Variants in ESCO1 observed in about 807,000 individuals in gnomAD.
ESCO1 encodes the protein establishment of sister chromatid cohesion N-acetyltransferase 1.
ESCO1 carries 33 observed loss-of-function variants against 83.5 expected under a neutral mutation model. The ratio of observed to expected loss-of-function variants is 0.40; its 90% CI spans 0.30 to 0.53. The LOEUF is 0.53. Ranked by LOEUF, ESCO1 falls within the 20% of genes least tolerant of loss-of-function variation. The pLI, the probability that ESCO1 is intolerant of heterozygous loss-of-function variation, is 0.63. For synonymous variants in ESCO1, 332 were observed against 324.3 expected (o/e 1.02, Z -0.25); for missense variants, 855 against 968.0 (o/e 0.88, Z 1.55).
At chr18:21,546,680 G>A (rs2037978398) in intron 8 of ESCO1, among the ~76,000 whole-genome samples, 1 of 152,108 alleles carries the variant, frequency 6.6e-6, no homozygotes, top group Non-Finnish European at 1.5e-5. Context: ...CCGAGTAGAT[G>A]GGACCACAGG....
chr18:21,542,557 C>A (rs1347930296), intron 8 of ESCO1, among the ~76,000 whole-genome samples: 2 of 152,188 alleles, frequency 1.3e-5, no homozygotes, highest in East Asian at 3.8e-4. Flanking sequence ...TTTAAGATGA[C>A]TGCTCAAAGA....
chr18:21,540,131 A>G, intron 8 of ESCO1, 122 bp from the exon 9 acceptor site: 1 of 852,066 alleles, frequency 1.2e-6, no homozygotes, highest in Non-Finnish European at 1.8e-6. Flanking sequence ...GCAAACATGA[A>G]AAATATATGC....
Position 21,574,288 on chromosome 18 carries a change from A to C in ESCO1, c.556T>G (p.Ser186Ala), listed in dbSNP as rs1191238381. ...KRKVLEVKSD[S>A]KEDENLVINE... is the part of the protein sequence containing the mutation. ...ATTACTAGATTTTCATCTTCTTTAG[A>C]GTCAGACTTTACTTCCAGTACTTTT... Residue 186 changes from serine (S) to alanine (A), a missense_variant, in exon 4 of 12, where the codon TCT (serine) becomes GCT (alanine). Around this residue, in one of 2 missense-constraint regions of ESCO1, gnomAD observed 726 missense variants for 699.5 expected, o/e 1.04. Coordinates refer to ENST00000269214, the MANE Select transcript of ESCO1 (RefSeq NM_052911.3). 6.2e-7 allele frequency: 1 copy of C among 1,613,644 alleles called. No homozygotes were observed. Among genetic ancestry groups the C allele is most frequent in the Non-Finnish European group, 8.5e-7 (1 of 1,179,990 alleles).
intron 8 of ESCO1, among the ~76,000 whole-genome samples, chr18:21,542,013 G>A (rs949838734): frequency 3.9e-5 from 6 of 152,048 alleles, no homozygotes; most frequent in African/African-American, 1.2e-4. Flanking sequence ...CTTCAGACTT[G>A]TATGTTCATG....
Position 21,532,455 on chromosome 18 carries a change from G to A in ESCO1, c.2375+18C>T, listed in dbSNP as rs758743445. ...CCTAAACTACTAAAAATGATTTGAA[G>A]GATTACATTCAAGTTACCTTAGGCA... On this transcript the variant is annotated intron_variant, in intron 11 of 11. Transcript: ENST00000269214. 4.3e-5 allele frequency: 68 copies of A among 1,594,150 alleles called. No individual in the cohort carries two copies. The highest frequency in any genetic ancestry group is 1.2e-4 in the Admixed American group (7 of 58,356).
intron 2 of ESCO1, among the ~76,000 whole-genome samples, chr18:21,578,773 C>A (rs1321238342): frequency 6.6e-6 from 1 of 152,244 alleles, no homozygotes; most frequent in Non-Finnish European, 1.5e-5. Flanking sequence ...TTTCAGCTCA[C>A]TGCAACCTCC....
chr18:21,559,524 A>G (rs1171361797), intron 8 of ESCO1, among the ~76,000 whole-genome samples: 2 of 152,354 alleles, frequency 1.3e-5, no homozygotes, highest in East Asian at 3.9e-4. Flanking sequence ...CTTTGAAATA[A>G]AATGTTTTTA....
chr18:21,580,706 T>C (rs1219016647), intron 2 of ESCO1, among the ~76,000 whole-genome samples: 3 of 152,224 alleles, frequency 2.0e-5, no homozygotes, highest in Non-Finnish European at 2.9e-5. Flanking sequence ...AGAATTACTA[T>C]TGGCCAGGCA....
intron 8 of ESCO1, among the ~76,000 whole-genome samples, chr18:21,543,280 G>T (rs551406682): frequency 1.3e-5 from 2 of 152,046 alleles, no homozygotes; most frequent in Admixed American, 1.3e-4. Context: ...TCAGCCTCCC[G>T]AGTAGTTGGG....
intron 8 of ESCO1, among the ~76,000 whole-genome samples, chr18:21,546,677 G>A (rs2037978328): frequency 6.6e-6 from 1 of 152,124 alleles, no homozygotes; most frequent in Non-Finnish European, 1.5e-5. Context: ...CTCCCGAGTA[G>A]ATGGGACCAC....
In ESCO1 at chr18:21,575,285, T is replaced by C. The variant is rs146528943; in HGVS notation, c.-442A>G. ...TTTTTTCTTCTGAAGTCTACAGTTA[T>C]TGGACTTCGATTCACTTGAAACATG... On this transcript the variant is annotated 5_prime_UTR_variant, in exon 4 of 12. Coordinates refer to ENST00000269214, the MANE Select transcript of ESCO1 (RefSeq NM_052911.3). 225 of 393,846 alleles carry C rather than the reference T, an allele frequency of 5.7e-4. 1 individual carries two copies. Among genetic ancestry groups the C allele is most frequent in the African/African-American group, 4.2e-3 (204 of 48,618 alleles). 24.4% of individuals were successfully genotyped at this position (393,846 alleles called of 1,614,324 possible).
At chr18:21,563,663 T>C (rs1397014789) in intron 7 of ESCO1, among the ~76,000 whole-genome samples, 1 of 152,200 alleles carries the variant, frequency 6.6e-6, no homozygotes, top group Non-Finnish European at 1.5e-5. Context: ...ACATTTTTCA[T>C]ACTAAAATTT....
At chr18:21,558,726 CA>C (rs59435992) in intron 8 of ESCO1, among the ~76,000 whole-genome samples, 44,155 of 87,858 alleles carry the variant, frequency 0.5, 9,401 homozygotes, top group Non-Finnish European at 0.62. Context: ...GACTCTGCCT[CA>C]AAAAAAAAAA....
chr18:21,540,729 G>T (rs1387399641), intron 8 of ESCO1: 1 of 1,252,718 alleles, frequency 8.0e-7, no homozygotes, highest in Non-Finnish European at 1.0e-6. Context: ...CAAAACAAAA[G>T]CCACTTAAAT....
rs531378319 is a variant in ESCO1 at position 21,558,651 on chromosome 18, C to A, written c.1953+2208G>T. On this transcript the variant is annotated intron_variant, in intron 8 of 11. Transcript: ENST00000269214. ...GGCTGACAGGAGAACTGCTTGAACC[C>A]AGGAGGTGGAGGAGGCAGTGAGCCA... is the stretch of plus-strand genomic sequence containing the variant. Among the ~76,000 whole-genome samples, 182 of 149,510 alleles carry A rather than the reference C, an allele frequency of 1.2e-3. 1 individual carries two copies. Among genetic ancestry groups the A allele is most frequent in the Non-Finnish European group, 2.2e-3 (151 of 67,846 alleles).
rs1223351700 is a variant in ESCO1 at position 21,577,366 on chromosome 18, A to T, written c.-693-1589T>A. Among the ~76,000 whole-genome samples the T allele has an allele frequency of 3.0e-3, 434 of 146,980 alleles. 4 individuals carry two copies. Among genetic ancestry groups the T allele is most frequent in the African/African-American group, 0.011 (422 of 39,332 alleles). On this transcript the variant is annotated intron_variant, in intron 2 of 11. Transcript: ENST00000269214. The stretch of plus-strand genomic sequence containing the variant: ...GAGTGAGACTCCATCTTTTTTAAAA[A>T]AAAAAAAAAAAAAAAAAAAGGCTGG...
chr18:21,599,261 C>G (rs561506511), intron 1 of ESCO1, among the ~76,000 whole-genome samples: 137 of 152,218 alleles, frequency 9.0e-4, no homozygotes, highest in African/African-American at 3.2e-3. Flanking sequence ...TTGCTTGGGG[C>G]CGGGGAGGGA....
At chr18:21,540,105 AATTT>A (rs2037886568) in intron 8 of ESCO1, 96 bp from the exon 9 acceptor site, 1 of 1,124,686 alleles carries the variant, frequency 8.9e-7, no homozygotes, top group Admixed American at 2.8e-5. Flanking sequence ...AAAGTACATC[AATTT>A]GTCTAAAAAT....
At chr18:21,539,121 T>A (rs1226572020) in intron 9 of ESCO1, among the ~76,000 whole-genome samples, 1 of 152,080 alleles carries the variant, frequency 6.6e-6, no homozygotes, top group Non-Finnish European at 1.5e-5. Flanking sequence ...CTGGAATATA[T>A]CCTTATATCT....
Sources: gnomAD v4.1 joint callset for allele counts (sites outside exome capture counted in the v4.1 genomes callset) on GRCh38, gnomAD v4.1.1 for gene constraint, gnomAD v4.1.1 regional missense constraint, MANE v1.5 for transcripts, NCBI Gene and HGNC (gene_info 2026-07-23, HGNC 2026-07-21) for gene names.